The following CELF2 variants were observed in gnomAD, a reference collection of about 807,000 sequenced individuals.
The protein encoded by CELF2 is CUGBP Elav-like family member 2, also known as CUG triplet repeat RNA-binding protein 2.
A neutral mutation model predicts 62.6 loss-of-function variants in CELF2; 8 were observed. The ratio of observed to expected loss-of-function variants is 0.13; its 90% CI spans 0.07 to 0.23. CELF2 has a LOEUF of 0.23. Ranked by LOEUF, CELF2 falls within the 10% of genes least tolerant of loss-of-function variation. The pLI is 1.00. For synonymous variants in CELF2, 258 were observed against 250.0 expected (o/e 1.03, Z -0.30); for missense variants, 333 against 671.0 (o/e 0.50, Z 5.56).
At chr10:11,253,425 A>G (rs1296610766) in intron 4 of CELF2, among the ~76,000 whole-genome samples, 2 of 152,204 alleles carry the variant, frequency 1.3e-5, no homozygotes, top group African/African-American at 2.4e-5. Context: ...GCCTCCATTA[A>G]AAATAGGAAT....
intron 1 of CELF2, among the ~76,000 whole-genome samples, chr10:10,855,927 A>G (rs2059677854): frequency 6.6e-6 from 1 of 152,216 alleles, no homozygotes; most frequent in Admixed American, 6.5e-5. Context: ...CCCACAGTGA[A>G]CAAAAGAAAT....
intron 1 of CELF2, among the ~76,000 whole-genome samples, chr10:11,029,179 G>A (rs2138714642): frequency 6.6e-6 from 1 of 152,338 alleles, no homozygotes; most frequent in Admixed American, 6.5e-5. Flanking sequence ...TTTGCCTTAT[G>A]TGGTGGTGTA....
At chr10:10,763,944 G>A in the CELF2 span, among the ~76,000 whole-genome samples, 2 of 152,212 alleles carry the variant, frequency 1.3e-5, no homozygotes, top group Non-Finnish European at 2.9e-5. Context: ...AAGTGCTAAT[G>A]GATATGGTAT....
chr10:10,486,427 A>G, the CELF2 span, among the ~76,000 whole-genome samples: 1 of 152,122 alleles, frequency 6.6e-6, no homozygotes, highest in Non-Finnish European at 1.5e-5. Context: ...AATAAATTGC[A>G]TTTTTTGTCT....
intron 1 of CELF2, among the ~76,000 whole-genome samples, chr10:10,837,022 G>T (rs1016576571): frequency 1.3e-5 from 2 of 152,134 alleles, no homozygotes; most frequent in Non-Finnish European, 2.9e-5. Flanking sequence ...CTGCACCTTT[G>T]CCTACAAGAA....
intron 1 of CELF2, among the ~76,000 whole-genome samples, chr10:10,855,947 G>T (rs554691985): frequency 6.6e-6 from 1 of 152,196 alleles, no homozygotes; most frequent in East Asian, 1.9e-4. Context: ...TAAAAAGCAA[G>T]AAAGGCGGCA....
At chr10:11,045,329 C>G (rs1310769698) in intron 1 of CELF2, among the ~76,000 whole-genome samples, 1 of 152,126 alleles carries the variant, frequency 6.6e-6, no homozygotes, top group Non-Finnish European at 1.5e-5. Flanking sequence ...TCTAGAACTC[C>G]CGGCCTCAAG....
the CELF2 span, among the ~76,000 whole-genome samples, chr10:10,661,427 C>T: frequency 1.3e-5 from 2 of 152,174 alleles, no homozygotes; most frequent in African/African-American, 2.4e-5. Flanking sequence ...GACACATCTG[C>T]GTGGTTTCCA....
intron 1 of CELF2, among the ~76,000 whole-genome samples, chr10:10,857,003 T>C (rs1412352339): frequency 6.6e-6 from 1 of 152,022 alleles, no homozygotes; most frequent in Admixed American, 6.6e-5. Context: ...AGGAAATAAA[T>C]GAGGTAAGCT....
At chr10:10,669,547 T>C in the CELF2 span, among the ~76,000 whole-genome samples, 1 of 152,180 alleles carries the variant, frequency 6.6e-6, no homozygotes. Context: ...AAAGAAGATG[T>C]GCAGATTCGG....
At chr10:10,586,459 T>G in the CELF2 span, among the ~76,000 whole-genome samples, 2 of 152,210 alleles carry the variant, frequency 1.3e-5, no homozygotes, top group Non-Finnish European at 2.9e-5. Context: ...ACCCTAGTCC[T>G]TAAATCTGAG....
At chr10:10,717,319 C>T in the CELF2 span, among the ~76,000 whole-genome samples, 1 of 151,770 alleles carries the variant, frequency 6.6e-6, no homozygotes, top group Non-Finnish European at 1.5e-5. Context: ...CTAGCATGTA[C>T]CTTTAATTTA....
chr10:11,014,530 T>G (rs2056961306), upstream of CELF2, among the ~76,000 whole-genome samples: 1 of 152,106 alleles, frequency 6.6e-6, no homozygotes, highest in African/African-American at 2.4e-5. Flanking sequence ...GGTTCACTGA[T>G]TGAGTGAGGT....
intron 2 of CELF2, among the ~76,000 whole-genome samples, chr10:11,184,659 T>C (rs1393059472): frequency 1.3e-5 from 2 of 152,206 alleles, no homozygotes; most frequent in Non-Finnish European, 2.9e-5. Flanking sequence ...TTTTCCGTGG[T>C]CTTCTAACTA....
At chr10:10,777,621 C>T in the CELF2 span, among the ~76,000 whole-genome samples, 1 of 152,198 alleles carries the variant, frequency 6.6e-6, no homozygotes, top group African/African-American at 2.4e-5. Context: ...TGTCTCCCCA[C>T]CTCCAATCTT....
At chr10:10,767,505 G>A in the CELF2 span, among the ~76,000 whole-genome samples, 1 of 152,166 alleles carries the variant, frequency 6.6e-6, no homozygotes, top group Non-Finnish European at 1.5e-5. Flanking sequence ...TACTGTATTA[G>A]AGAGTCCATT....
intron 2 of CELF2, among the ~76,000 whole-genome samples, chr10:11,172,970 GT>G (rs1270904480): frequency 6.6e-6 from 1 of 152,208 alleles, no homozygotes; most frequent in African/African-American, 2.4e-5. Flanking sequence ...CTAGGCTTCT[GT>G]TTCAATCCCT....
rs2076182904 is a variant in CELF2 at position 11,191,002 on chromosome 10, T to G, written c.271+25320T>G. Among the ~76,000 whole-genome samples, 1 of 152,158 alleles carries G rather than the reference T, an allele frequency of 6.6e-6. No homozygotes were observed. Among genetic ancestry groups the G allele is most frequent in the Non-Finnish European group, 1.5e-5 (1 of 68,032 alleles). On this transcript the variant is annotated intron_variant, in intron 2 of 12. Coordinates refer to ENST00000633077, the MANE Select transcript of CELF2 (RefSeq NM_001326342.2). This position sits in a 1 kb window ranked among gnomAD's most constrained non-coding sequence, Gnocchi z 4.1. ...ACAGTTGCACAGCAGCATCAATGTA[T>G]TTAATGCTGCTGACCTTCATGGACA... is the stretch of plus-strand genomic sequence containing the variant.
At chr10:11,279,006 C>T (rs1423780187) in intron 8 of CELF2, among the ~76,000 whole-genome samples, 1 of 152,128 alleles carries the variant, frequency 6.6e-6, no homozygotes, top group Admixed American at 6.5e-5. Context: ...TGTTTCACGG[C>T]CCCCACACTG....
Sources: gnomAD v4.1 joint callset for allele counts (sites outside exome capture counted in the v4.1 genomes callset) on GRCh38, gnomAD v4.1.1 for gene constraint, Gnocchi (gnomAD v3.1) non-coding constraint, MANE v1.5 for transcripts, NCBI Gene and HGNC (gene_info 2026-07-23, HGNC 2026-07-21) for gene names.